Variants in USP13 observed in about 807,000 individuals in gnomAD.
USP13 encodes ubiquitin carboxyl-terminal hydrolase 13.
A neutral mutation model predicts 107.8 loss-of-function variants in USP13; 68 were observed. The observed-to-expected ratio is 0.63, with a 90% CI of 0.52 to 0.77. The LOEUF is 0.77. Ranked by LOEUF, USP13 falls within the 30% of genes least tolerant of loss-of-function variation. USP13 has a pLI of 0.00. For missense variants in USP13, 945 were observed against 1,093.3 expected, an observed-to-expected ratio of 0.86 and a Z score of 1.91; for synonymous variants, 377 against 389.5, an observed-to-expected ratio of 0.97 and a Z score of 0.38.
intron 6 of USP13, among the ~76,000 whole-genome samples, chr3:179,715,312 C>G (rs1713072441): frequency 1.3e-5 from 2 of 151,756 alleles, no homozygotes; most frequent in South Asian, 4.2e-4. Context: ...AACCTATTCT[C>G]TCTTTAAAGA....
intron 1 of USP13, among the ~76,000 whole-genome samples, chr3:179,665,451 C>T (rs920465008): frequency 2.6e-5 from 4 of 152,150 alleles, no homozygotes; most frequent in South Asian, 4.1e-4. Flanking sequence ...CCCTGTTTTA[C>T]GGATGAGGAA....
chr3:179,712,397 A>G (rs1377069117), intron 6 of USP13, among the ~76,000 whole-genome samples: 1 of 152,170 alleles, frequency 6.6e-6, no homozygotes, highest in East Asian at 1.9e-4. Flanking sequence ...ACCACCCTGT[A>G]GACTACTCAC....
chr3:179,722,065 C>CA (rs113098896), intron 8 of USP13, among the ~76,000 whole-genome samples: 21,957 of 127,466 alleles, frequency 0.17, 2,991 homozygotes, highest in African/African-American at 0.41. Flanking sequence ...GAATCTGTCT[C>CA]AAAAAAAAAA....
chr3:179,781,547 T>G (rs1715748563), intron 19 of USP13, among the ~76,000 whole-genome samples, 192 bp from the exon 20 acceptor site: 1 of 152,092 alleles, frequency 6.6e-6, no homozygotes, highest in Non-Finnish European at 1.5e-5. Flanking sequence ...TATTTTTTGA[T>G]CACAAATTTG....
At chr3:179,715,914 T>C (rs1482084509) in intron 6 of USP13, among the ~76,000 whole-genome samples, 1 of 152,106 alleles carries the variant, frequency 6.6e-6, no homozygotes, top group Non-Finnish European at 1.5e-5. Flanking sequence ...CTGGCTTTCC[T>C]AGTTTTTGTT....
Position 179,784,076 on chromosome 3 carries a change from T to C in USP13, c.2527T>C (p.Cys843Arg). The C allele has an allele frequency of 6.2e-7, 1 of 1,613,584 alleles. No individual in the cohort carries two copies. Among genetic ancestry groups the C allele is most frequent in the East Asian group, 2.2e-5 (1 of 44,870 alleles). ...RWVIYNDHKV[C>R]ASERPPKDLG... ...GGTGATTTACAATGACCACAAAGTT[T>C]GTGCCTCAGAAAGGCCCCCTAAAGA... The change falls in exon 21 of 21, where the codon TGT (cysteine) becomes CGT (arginine). Residue 843 changes from cysteine (C) to arginine (R), a missense_variant. Transcript: ENST00000263966.
At chr3:179,760,998 C>A in intron 16 of USP13, 114 bp from the exon 17 acceptor site, 1 of 1,308,748 alleles carries the variant, frequency 7.6e-7, no homozygotes, top group Non-Finnish European at 1.1e-6. Context: ...ATTATCTACA[C>A]CCAACAGAAT....
chr3:179,752,183 G>C (rs1220740962), intron 13 of USP13, 102 bp from the exon 14 acceptor site: 52 of 960,880 alleles, frequency 5.4e-5, no homozygotes, highest in Non-Finnish European at 8.2e-5. Context: ...TTCAGCCATT[G>C]GAATGGCCAG....
At chr3:179,760,362 C>G (rs1714965546) in intron 16 of USP13, among the ~76,000 whole-genome samples, 1 of 149,922 alleles carries the variant, frequency 6.7e-6, no homozygotes, top group Non-Finnish European at 1.5e-5. Context: ...CGGCTCACTG[C>G]AAGCTCCGCC....
intron 16 of USP13, among the ~76,000 whole-genome samples, 188 bp from the exon 17 acceptor site, chr3:179,760,924 T>G (rs1560077859): frequency 6.6e-6 from 1 of 152,234 alleles, no homozygotes; most frequent in Non-Finnish European, 1.5e-5. Context: ...GTCAAAGATA[T>G]AAACTTAGCC....
intron 6 of USP13, among the ~76,000 whole-genome samples, chr3:179,714,730 TA>T (rs1560059271): frequency 6.6e-6 from 1 of 152,104 alleles, no homozygotes; most frequent in Non-Finnish European, 1.5e-5. Flanking sequence ...TCAAAAATTT[TA>T]AAAAAGGCAG....
chr3:179,654,143 G>A (rs36181887), intron 1 of USP13, among the ~76,000 whole-genome samples: 1 of 151,324 alleles, frequency 6.6e-6, no homozygotes. Flanking sequence ...GAACCGGGAA[G>A]GAGGAGGCTG....
intron 19 of USP13, among the ~76,000 whole-genome samples, chr3:179,777,060 A>G (rs1715567254): frequency 6.6e-6 from 1 of 152,118 alleles, no homozygotes; most frequent in Non-Finnish European, 1.5e-5. Context: ...GAGGTCGTGA[A>G]TAATGCATGG....
chr3:179,762,335 C>T lies in USP13; in HGVS notation c.2092+1080C>T, dbSNP rs183759900. Among the ~76,000 whole-genome samples the T allele has an allele frequency of 2.0e-3, 304 of 152,340 alleles. 3 individuals carry two copies. Among genetic ancestry groups the T allele is most frequent in the African/African-American group, 7.1e-3 (294 of 41,576 alleles). On this transcript the variant is annotated intron_variant, in intron 17 of 20. Transcript: ENST00000263966. ...GTGGCTTACGCCTGTAATCCCAGCA[C>T]TTTGGAAGGCCAAGGCAGGAGGATC...
chr3:179,706,958 C>G lies in USP13; in HGVS notation c.502C>G (p.Leu168Val). ...GGTAACAATTGCTTGTGATGCAGTTCTCAGCTCAAAATCTCCATACAGAAA... is the reference window on the plus strand; with the variant it reads ...GGTAACAATTGCTTGTGATGCAGTTGTCAGCTCAAAATCTCCATACAGAAA... ...ALVTIACDAV[L>V]SSKSPYRKQD... The change falls in exon 5 of 21, where the codon CTC becomes GTC. Residue 168 changes from leucine to valine, a missense_variant. Coordinates refer to ENST00000263966, the MANE Select transcript of USP13 (RefSeq NM_003940.3). 6.2e-7 allele frequency: 1 copy of G among 1,613,972 alleles called. No homozygotes were observed. Among genetic ancestry groups the G allele is most frequent in the South Asian group, 1.1e-5 (1 of 91,006 alleles).
At chr3:179,693,131 GTCATCCCAGTAGGAGTTCTT>G (rs1712168233) in intron 3 of USP13, among the ~76,000 whole-genome samples, 1 of 151,856 alleles carries the variant, frequency 6.6e-6, no homozygotes, top group South Asian at 2.1e-4. Context: ...ATTTACCTCC[GTCATCCCAGTAGGAGTTCTT>G]TCTTTTTCGG....
At chr3:179,687,527 C>T (rs545627475) in intron 2 of USP13, among the ~76,000 whole-genome samples, 11 of 151,604 alleles carry the variant, frequency 7.3e-5, no homozygotes, top group Middle Eastern at 3.4e-3. Flanking sequence ...GGCATGGTGG[C>T]GCATGCCTGT....
intron 19 of USP13, among the ~76,000 whole-genome samples, chr3:179,773,523 C>G (rs1715404403): frequency 6.6e-6 from 1 of 152,172 alleles, no homozygotes; most frequent in African/African-American, 2.4e-5. Flanking sequence ...ACTTCTGAAT[C>G]CAGAGTTGCT....
chr3:179,668,938 T>G (rs1370072409), intron 1 of USP13, among the ~76,000 whole-genome samples: 1 of 152,202 alleles, frequency 6.6e-6, no homozygotes, highest in African/African-American at 2.4e-5. Context: ...TGGAGATCTG[T>G]GCTCTGGTTA....
Sources: allele counts gnomAD v4.1 joint callset (sites outside exome capture counted in the v4.1 genomes callset), GRCh38; gene constraint gnomAD v4.1.1; transcripts MANE v1.5; gene names NCBI Gene and HGNC (gene_info 2026-07-23, HGNC 2026-07-21).